Variants in RTF2 observed in about 807,000 individuals in gnomAD.
RTF2 encodes UPF0549 protein C20orf43.
In RTF2, 18 loss-of-function variants were observed where a neutral mutation model predicts 38.0. The ratio of observed to expected loss-of-function variants is 0.47; its 90% CI spans 0.33 to 0.70. RTF2 has a LOEUF of 0.70. Among genes scored for constraint, RTF2 ranks in the 30% least tolerant of loss-of-function variants. RTF2 has a pLI of 0.02. For missense variants in RTF2, 311 were observed against 379.6 expected (o/e 0.82, Z 1.50); for synonymous variants, 126 against 137.1 (o/e 0.92, Z 0.57).
rs77137751 is a variant in RTF2, at chr20:56,485,510, G to A, written c.477+1321G>A. ...GCCGGATGGGATGTGCATTAATTTTGTTCTAAAAATCCTAGACGTGGAGGA... is the reference window on the plus strand; with the variant it reads ...GCCGGATGGGATGTGCATTAATTTTATTCTAAAAATCCTAGACGTGGAGGA... On this transcript the variant is annotated intron_variant, in intron 5 of 8. Coordinates refer to ENST00000357348, the MANE Select transcript of RTF2 (RefSeq NM_016407.5). Among the ~76,000 whole-genome samples the A allele has an allele frequency of 1.2e-3, 179 of 152,300 alleles. 1 individual carries two copies. The highest frequency in any genetic ancestry group is 3.3e-3 in the African/African-American group (138 of 41,552).
chr20:56,468,769 C>A lies in RTF2; in HGVS notation c.69+3C>A. ...AGGGGCCGAAGAAGGTTGAGAAGGTCAGTGATGTGGGCCGGCTCTTGGCGA... is the reference window on the plus strand; with the variant it reads ...AGGGGCCGAAGAAGGTTGAGAAGGTAAGTGATGTGGGCCGGCTCTTGGCGA... On this transcript the variant is annotated splice_donor_region_variant and intron_variant, in intron 1 of 8. Coordinates refer to ENST00000357348, the MANE Select transcript of RTF2 (RefSeq NM_016407.5). 5.7e-6 allele frequency: 9 copies of A among 1,576,082 alleles called. No individual in the cohort carries two copies. Among genetic ancestry groups the A allele is most frequent in the Non-Finnish European group, 7.8e-6 (9 of 1,160,918 alleles).
intron 5 of RTF2, among the ~76,000 whole-genome samples, chr20:56,488,206 C>A (rs1982894554): frequency 2.0e-5 from 3 of 152,030 alleles, no homozygotes; most frequent in South Asian, 4.1e-4. Flanking sequence ...ACTAAAAATA[C>A]AAAAATTAGC....
At chr20:56,511,781 A>G (rs1307472756) in intron 5 of RTF2, among the ~76,000 whole-genome samples, 3 of 151,690 alleles carry the variant, frequency 2.0e-5, no homozygotes, top group Admixed American at 1.3e-4. Context: ...AGGATCAACC[A>G]CTGCACTTGC....
intron 5 of RTF2, among the ~76,000 whole-genome samples, chr20:56,485,075 T>C (rs1982721451): frequency 6.6e-6 from 1 of 152,088 alleles, no homozygotes; most frequent in South Asian, 2.1e-4. Flanking sequence ...TCCCACATTC[T>C]GATTGGAGAG....
chr20:56,496,579 A>G (rs147445347), intron 5 of RTF2: 163 of 1,437,922 alleles, frequency 1.1e-4, no homozygotes, highest in East Asian at 1.8e-4. Context: ...CAATCAATCA[A>G]TCTATCTGCT....
chr20:56,495,478 T>A (rs1983466017), intron 5 of RTF2, among the ~76,000 whole-genome samples: 1 of 152,170 alleles, frequency 6.6e-6, no homozygotes, highest in South Asian at 2.1e-4. Flanking sequence ...AGGCTAGTGC[T>A]TTTGGGGGTG....
intron 8 of RTF2, among the ~76,000 whole-genome samples, chr20:56,517,466 A>G (rs6024924): frequency 3.3e-5 from 5 of 152,140 alleles, no homozygotes; most frequent in African/African-American, 1.2e-4. Context: ...TGCCAAGCAA[A>G]AGAGGTTGCG....
chr20:56,472,261 T>C, intron 1 of RTF2: 2 of 925,796 alleles, frequency 2.2e-6, no homozygotes, highest in East Asian at 2.6e-5. Flanking sequence ...GGATTGTTTT[T>C]GTCTTCTTTT....
chr20:56,510,969 C>A (rs1048697209), intron 5 of RTF2, among the ~76,000 whole-genome samples: 7 of 151,984 alleles, frequency 4.6e-5, no homozygotes, highest in African/African-American at 1.7e-4. Context: ...AAAAAGTTTA[C>A]ATGACTATGA....
At chr20:56,484,922 C>T (rs1016239430) in intron 5 of RTF2, among the ~76,000 whole-genome samples, 3 of 152,036 alleles carry the variant, frequency 2.0e-5, no homozygotes, top group Non-Finnish European at 2.9e-5. Context: ...GTATTTCATT[C>T]CCCTCCCCAC....
At chr20:56,485,978 GGCATTTGTTCTGGGCCTCAAAGGAAGA>G (rs1483903459) in intron 5 of RTF2, among the ~76,000 whole-genome samples, 1 of 152,134 alleles carries the variant, frequency 6.6e-6, no homozygotes, top group African/African-American at 2.4e-5. Flanking sequence ...TAAAGGGAGG[GGCATTTGTTCTGGGCCTCAAAGGAAGA>G]GCATGGTTAT....
chr20:56,511,976 G>A (rs1168070859), intron 5 of RTF2, among the ~76,000 whole-genome samples: 1 of 152,064 alleles, frequency 6.6e-6, no homozygotes, highest in Admixed American at 6.6e-5. Flanking sequence ...GGGACTACAG[G>A]CATGTACCAC....
rs559938531 is a variant in RTF2, at chr20:56,507,152, A to AT, written c.478-6159dup. On this transcript the variant is annotated intron_variant, in intron 5 of 8. Transcript: ENST00000357348. ...ATGCATTAGCAGGAAGATATGGGTG[A>AT]TTTTCTGTTGGTATAATACATATTA... 4.6e-3 allele frequency among the ~76,000 whole-genome samples: 696 copies of AT among 152,214 alleles called. 5 individuals carry two copies. The highest frequency in any genetic ancestry group is 0.015 in the African/African-American group (606 of 41,518).
intron 5 of RTF2, chr20:56,497,374 G>A (rs1983618219): frequency 6.5e-7 from 1 of 1,550,212 alleles, no homozygotes; most frequent in Non-Finnish European, 8.7e-7. Flanking sequence ...AAATGAGCAT[G>A]TATTTCAGAT....
chr20:56,510,410 A>T lies in RTF2; in HGVS notation c.478-2905A>T, dbSNP rs145315996. Among the ~76,000 whole-genome samples the T allele has an allele frequency of 4.1e-3, 618 of 152,310 alleles. 4 individuals carry two copies. Among genetic ancestry groups the T allele is most frequent in the African/African-American group, 0.014 (584 of 41,584 alleles). ...CCCCACCCCTAAAAAAAGGTTTGGG[A>T]GATCAGAAGATGTAAAACAGAAACC... On this transcript the variant is annotated intron_variant, in intron 5 of 8. Transcript: ENST00000357348.
At chr20:56,507,256 G>GCCC (rs1984340759) in intron 5 of RTF2, among the ~76,000 whole-genome samples, 1 of 152,084 alleles carries the variant, frequency 6.6e-6, no homozygotes, top group Non-Finnish European at 1.5e-5. Context: ...CTCCGCAGTA[G>GCCC]CCCCTACCCT....
intron 5 of RTF2, among the ~76,000 whole-genome samples, chr20:56,484,600 C>T (rs1212623952): frequency 2.0e-5 from 3 of 152,198 alleles, no homozygotes; most frequent in Admixed American, 6.5e-5. Context: ...TGTCTGCTTC[C>T]CCACCGGACT....
chr20:56,492,327 C>T (rs1354962974), intron 5 of RTF2, among the ~76,000 whole-genome samples: 3 of 151,474 alleles, frequency 2.0e-5, no homozygotes, highest in Non-Finnish European at 4.4e-5. Flanking sequence ...ATCTTCCCAC[C>T]TCGGCCTCCC....
At chr20:56,509,635 G>A (rs1338712098) in intron 5 of RTF2, among the ~76,000 whole-genome samples, 2 of 149,618 alleles carry the variant, frequency 1.3e-5, no homozygotes, top group African/African-American at 4.9e-5. Flanking sequence ...AAAGAAAAAC[G>A]ATGACAGGTG....
Sources: gnomAD v4.1 joint callset for allele counts (sites outside exome capture counted in the v4.1 genomes callset) on GRCh38, gnomAD v4.1.1 for gene constraint, MANE v1.5 for transcripts, NCBI Gene and HGNC (gene_info 2026-07-23, HGNC 2026-07-21) for gene names.